The following KPNA1 variants were observed in gnomAD, a reference collection of about 807,000 sequenced individuals.
The protein encoded by KPNA1 is importin subunit alpha-5.
Under a neutral mutation model 70.5 loss-of-function variants are expected in KPNA1, and 10 were observed. The ratio of observed to expected loss-of-function variants is 0.14; its 90% CI spans 0.09 to 0.24. The LOEUF (loss-of-function observed/expected upper bound fraction) is 0.24, where lower values mean the gene tolerates loss of function less well. Ranked by LOEUF, KPNA1 falls within the 10% of genes least tolerant of loss-of-function variation. The pLI is 1.00. For synonymous variants in KPNA1, 192 were observed against 221.9 expected (o/e 0.87, Z 1.20); for missense variants, 397 against 637.9 (o/e 0.62, Z 4.07).
intron 5 of KPNA1, chr3:122,459,901 A>G (rs2076304298): frequency 1.0e-6 from 1 of 985,382 alleles, no homozygotes; most frequent in African/African-American, 1.7e-5. Flanking sequence ...AGTTGTATGA[A>G]TAATCTATAA....
intron 2 of KPNA1, among the ~76,000 whole-genome samples, chr3:122,479,870 A>G (rs893959410): frequency 6.6e-6 from 1 of 152,206 alleles, no homozygotes; most frequent in Admixed American, 6.5e-5. Flanking sequence ...CCACAAATGT[A>G]TATAGGAGTT....
Position 122,427,045 on chromosome 3 carries a change from A to C in KPNA1, c.1557T>G (p.Leu519=). ...GTTGGAAGATGTACTGCTGCTGGTT[A>C]AGGTCAACCTGGGGTGCAATGCTGC... is the stretch of plus-strand genomic sequence containing the variant. ...EDSSIAPQVD[L]NQQQYIFQQC... is the part of the protein sequence containing the mutation. Residue 519 remains leucine (L), a synonymous_variant, in exon 14 of 14, where the codon CTT becomes CTG. Coordinates refer to ENST00000344337, the MANE Select transcript of KPNA1 (RefSeq NM_002264.4). The C allele has an allele frequency of 6.2e-7, 1 of 1,614,138 alleles. No individual in the cohort carries two copies. The highest frequency in any genetic ancestry group is 8.5e-7 in the Non-Finnish European group (1 of 1,180,010).
At chr3:122,466,421 T>C (rs1398195704) in intron 3 of KPNA1, among the ~76,000 whole-genome samples, 2 of 152,154 alleles carry the variant, frequency 1.3e-5, no homozygotes, top group Non-Finnish European at 2.9e-5. Context: ...CAAACAACAG[T>C]ACCTTTTAGG....
chr3:122,449,825 C>T, intron 8 of KPNA1, 88 bp from the exon 9 acceptor site: 2 of 1,055,456 alleles, frequency 1.9e-6, no homozygotes, highest in Non-Finnish European at 1.4e-6. Context: ...CAGGCATGTA[C>T]TTGGTGACTT....
chr3:122,461,329 A>G lies in KPNA1; in HGVS notation c.338-11T>C, dbSNP rs764840408. The G allele has an allele frequency of 2.5e-6, 4 of 1,575,704 alleles. No individual in the cohort carries two copies. Among genetic ancestry groups the G allele is most frequent in the Non-Finnish European group, 3.5e-6 (4 of 1,155,172 alleles). On this transcript the variant is annotated splice_polypyrimidine_tract_variant and intron_variant, in intron 4 of 13. Transcript: ENST00000344337. ...TAGGAGGGTTAGGTTCTGTTTCCCC[A>G]TAAAATAAAAGAAAAAAAAAATCCT... is the stretch of plus-strand genomic sequence containing the variant.
At chr3:122,463,127 G>A (rs1287106701) in intron 4 of KPNA1, among the ~76,000 whole-genome samples, 2 of 152,082 alleles carry the variant, frequency 1.3e-5, no homozygotes, top group African/African-American at 2.4e-5. Flanking sequence ...CGAGGCAGGA[G>A]GATCACAAGG....
intron 8 of KPNA1, among the ~76,000 whole-genome samples, chr3:122,450,439 G>A (rs1021496370): frequency 3.3e-5 from 5 of 152,044 alleles, no homozygotes; most frequent in African/African-American, 7.2e-5. Flanking sequence ...AAAATTAGCC[G>A]GGTGTGGTGG....
chr3:122,433,939 T>A, intron 11 of KPNA1, 151 bp from the exon 12 acceptor site: 1 of 609,766 alleles, frequency 1.6e-6, no homozygotes, highest in Non-Finnish European at 2.6e-6. Flanking sequence ...ATCTCTAACC[T>A]TTTTTTTTCT....
rs1380993595 is a variant in KPNA1 at position 122,453,905 on chromosome 3, A to G, written c.529T>C (p.Leu177=). The change falls in exon 6 of 14, where the codon TTG becomes CTG. Residue 177 remains leucine, a synonymous_variant. Coordinates refer to ENST00000344337, the MANE Select transcript of KPNA1 (RefSeq NM_002264.4). ...QAGAVPIFIE[L]LSSEFEDVQE... ...ACATCTTCAAACTCTGAGCTGAGCA[A>G]CTCTATGAAGATGGGCACAGCTCCT... The G allele has an allele frequency of 6.2e-7, 1 of 1,612,202 alleles. No individual in the cohort carries two copies. Among genetic ancestry groups the G allele is most frequent in the African/African-American group, 1.3e-5 (1 of 74,924 alleles).
intron 1 of KPNA1, among the ~76,000 whole-genome samples, chr3:122,506,511 C>A (rs1404926883): frequency 6.6e-6 from 1 of 152,186 alleles, no homozygotes. Context: ...CCTACCCATT[C>A]TTTTCCTATA....
At chr3:122,501,756 T>C (rs539675040) in intron 1 of KPNA1, among the ~76,000 whole-genome samples, 84 of 152,314 alleles carry the variant, frequency 5.5e-4, no homozygotes, top group Admixed American at 2.0e-4. Flanking sequence ...GTGGGTTTAT[T>C]GTACTGATTC....
intron 2 of KPNA1, among the ~76,000 whole-genome samples, chr3:122,477,860 C>CAA (rs35446717): frequency 2.4e-4 from 35 of 144,734 alleles, no homozygotes; most frequent in African/African-American, 8.4e-4. Context: ...ATATCTGTAT[C>CAA]AAAAAAAAAA....
intron 5 of KPNA1, chr3:122,460,007 C>T (rs1205966331): frequency 2.0e-5 from 20 of 985,274 alleles, no homozygotes; most frequent in Non-Finnish European, 2.4e-5. Context: ...AAGAACAGCA[C>T]ACAAGGGGTG....
chr3:122,430,855 C>G lies in KPNA1; in HGVS notation c.1250+2806G>C, dbSNP rs1303841872. ...CGTGAGCTTAGACAGGCCAAGTCTT[C>G]CCAATACCCAAGACTGAGGCTTTCA... On this transcript the variant is annotated intron_variant, in intron 12 of 13. Transcript: ENST00000344337. Among the ~76,000 whole-genome samples, 4 of 152,136 alleles carry G rather than the reference C, an allele frequency of 2.6e-5. No individual in the cohort carries two copies. In the East Asian group the frequency reaches 7.7e-4, roughly 29 times the overall value.
chr3:122,483,754 C>T (rs924958472), intron 2 of KPNA1, among the ~76,000 whole-genome samples: 3 of 152,052 alleles, frequency 2.0e-5, no homozygotes, highest in Admixed American at 2.0e-4. Flanking sequence ...AGTGTAAATG[C>T]TTTTCTTAAG....
chr3:122,473,577 T>A (rs545160398), intron 2 of KPNA1, among the ~76,000 whole-genome samples: 2 of 152,096 alleles, frequency 1.3e-5, no homozygotes, highest in East Asian at 3.9e-4. Flanking sequence ...CATTTGAAAA[T>A]CATTAATAAA....
chr3:122,429,557 A>T (rs1327052543), intron 12 of KPNA1, among the ~76,000 whole-genome samples: 1 of 151,828 alleles, frequency 6.6e-6, no homozygotes, highest in Non-Finnish European at 1.5e-5. Flanking sequence ...AAAACTGATG[A>T]TCTAAAAAAA....
chr3:122,510,285 G>A (rs1037392433), intron 1 of KPNA1, among the ~76,000 whole-genome samples: 16 of 152,108 alleles, frequency 1.1e-4, no homozygotes, highest in African/African-American at 3.4e-4. Flanking sequence ...GTAAACAGGG[G>A]AACCAGTACA....
chr3:122,446,599 A>G (rs1369577888), intron 9 of KPNA1, among the ~76,000 whole-genome samples: 1 of 152,238 alleles, frequency 6.6e-6, no homozygotes, highest in East Asian at 1.9e-4. Flanking sequence ...ACCCAACATC[A>G]CCATTAAAAG....
Sources: gnomAD v4.1 joint callset for allele counts (sites outside exome capture counted in the v4.1 genomes callset) on GRCh38, gnomAD v4.1.1 for gene constraint, MANE v1.5 for transcripts, NCBI Gene and HGNC (gene_info 2026-07-23, HGNC 2026-07-21) for gene names.